The following MAGED1 variants were observed in gnomAD, a reference collection of about 807,000 sequenced individuals.
MAGED1 encodes MAGE family member D1, also known as melanoma-associated antigen D1.
In MAGED1, 3 loss-of-function variants were observed where a neutral mutation model predicts 54.1. That is an observed-to-expected ratio of 0.06 (90% CI 0.03 to 0.14). The LOEUF (loss-of-function observed/expected upper bound fraction) is 0.14, where lower values mean the gene tolerates loss of function less well. Among genes scored for constraint, MAGED1 ranks in the 10% least tolerant of loss-of-function variants. The pLI is 1.00. For missense variants in MAGED1, 485 were observed against 623.4 expected (o/e 0.78, Z 2.36); for synonymous variants, 217 against 227.3 (o/e 0.95, Z 0.41).
In MAGED1 at chrX:51,895,681, C is replaced by A; in HGVS notation, c.674C>A (p.Thr225Asn). Residue 225 changes from threonine (T) to asparagine (N), a missense_variant, in exon 3 of 13, where the codon ACT becomes AAT. This residue lies in a region of MAGED1 where 299 missense variants were observed against 293.1 expected (regional missense o/e 1.02). Transcript: ENST00000326587. ...DPGISEPDGA[T>N]AQTSADGSQA... ...GGTATCTCTGAACCTGACGGTGCAACTGCACAGACATCAGCAGATGGTTCC... is the reference window on the plus strand; with the variant it reads ...GGTATCTCTGAACCTGACGGTGCAAATGCACAGACATCAGCAGATGGTTCC... The A allele has an allele frequency of 8.3e-7, 1 of 1,205,576 alleles. No individual in the cohort carries two copies. The highest frequency in any genetic ancestry group is 2.3e-4 in the Middle Eastern group (1 of 4,346).
At chrX:51,891,324 G>A (rs1928430509), upstream of MAGED1, among the ~76,000 whole-genome samples, 1 of 112,913 alleles carries the variant, frequency 8.9e-6, no homozygotes. Flanking sequence ...CAACATATAT[G>A]TGTGTAAAGT....
Position 51,895,552 on chromosome X carries a change from A to G in MAGED1, c.545A>G (p.Lys182Arg). ...LANSRPKTPF[K>R]AWNDTTKAPT... ...AACAGCAGGCCTAAGACCCCTTTCA[A>G]GGCTTGGAATGATACCACTAAGGCC... The change falls in exon 3 of 13, where the codon AAG becomes AGG. Residue 182 changes from lysine (K) to arginine (R), a missense_variant. Around this residue, in one of 2 missense-constraint regions of MAGED1, gnomAD observed 299 missense variants for 293.1 expected, o/e 1.02. Coordinates refer to ENST00000326587, the MANE Select transcript of MAGED1 (RefSeq NM_006986.4). 1 of 1,211,582 alleles carries G rather than the reference A, an allele frequency of 8.3e-7. No homozygotes were observed. Among genetic ancestry groups the G allele is most frequent in the Non-Finnish European group, 1.1e-6 (1 of 895,422 alleles).
rs966014120 is a variant in MAGED1, at chrX:51,895,800, T to G, written c.753+40T>G. 1.9e-5 allele frequency: 19 copies of G among 1,018,790 alleles called. No homozygotes were observed. The African/African-American group carries it at 3.2e-4, about 17-fold the overall frequency. 84.0% of individuals were successfully genotyped at this position (1,018,790 alleles called of 1,213,427 possible). Reference sequence around the variant, plus strand: ...AACTTCATTTTGCTTTGGGGCTGTCTCCTTTCTTCTCTGAGGGTGTTCATT... The same window carrying G: ...AACTTCATTTTGCTTTGGGGCTGTCGCCTTTCTTCTCTGAGGGTGTTCATT... On this transcript the variant is annotated intron_variant, in intron 3 of 12. Coordinates refer to ENST00000326587, the MANE Select transcript of MAGED1 (RefSeq NM_006986.4).
chrX:51,895,691 A>C lies in MAGED1; in HGVS notation c.684A>C (p.Thr228=). The change falls in exon 3 of 13, where the codon ACA becomes ACC. Residue 228 remains threonine, a synonymous_variant. Transcript: ENST00000326587. ...AACCTGACGGTGCAACTGCACAGAC[A>C]TCAGCAGATGGTTCCCAGGCTCAGA... ...ISEPDGATAQ[T]SADGSQAQNL... 1 of 1,203,451 alleles carries C rather than the reference A, an allele frequency of 8.3e-7. No homozygotes were observed. Among genetic ancestry groups the C allele is most frequent in the Non-Finnish European group, 1.1e-6 (1 of 891,114 alleles).
chrX:51,852,342 T>C (rs1926926515), intron 1 of MAGED1, among the ~76,000 whole-genome samples: 2 of 111,931 alleles, frequency 1.8e-5, no homozygotes, highest in Non-Finnish European at 1.9e-5. Flanking sequence ...GCAAAGCCCA[T>C]TTGCCATGTA....
At chrX:51,879,352 A>G (rs1241590473) in intron 1 of MAGED1, among the ~76,000 whole-genome samples, 3 of 111,302 alleles carry the variant, frequency 2.7e-5, no homozygotes, top group Non-Finnish European at 3.8e-5. Context: ...TGATCAATTC[A>G]TTCTGTTTTT....
intron 1 of MAGED1, among the ~76,000 whole-genome samples, chrX:51,861,985 T>G (rs781964731): frequency 8.9e-6 from 1 of 112,180 alleles, no homozygotes; most frequent in Non-Finnish European, 1.9e-5. Flanking sequence ...TATGTCTATT[T>G]TTGTGTAACT....
At chrX:51,872,001 T>G (rs1557361624) in intron 1 of MAGED1, among the ~76,000 whole-genome samples, 1 of 112,312 alleles carries the variant, frequency 8.9e-6, no homozygotes, top group African/African-American at 3.2e-5. Flanking sequence ...ATTGTGGTTT[T>G]GATTTGCATT....
At chrX:51,822,532 C>A (rs1557356617) in intron 1 of MAGED1, among the ~76,000 whole-genome samples, 1 of 110,152 alleles carries the variant, frequency 9.1e-6, no homozygotes, top group Non-Finnish European at 1.9e-5. Flanking sequence ...CATTTATTTA[C>A]TCCTTGGTCT....
At chrX:51,877,210 C>T (rs1669598952) in intron 1 of MAGED1, among the ~76,000 whole-genome samples, 1 of 110,653 alleles carries the variant, frequency 9.0e-6, no homozygotes, top group Non-Finnish European at 1.9e-5. Flanking sequence ...ACAAGTGTGA[C>T]AGATACAAGG....
chrX:51,881,660 A>G (rs782091029), intron 1 of MAGED1, among the ~76,000 whole-genome samples: 1 of 109,626 alleles, frequency 9.1e-6, no homozygotes, highest in Non-Finnish European at 1.9e-5. Flanking sequence ...CAGGTGATCT[A>G]CCTGCCTCAG....
intron 1 of MAGED1, among the ~76,000 whole-genome samples, chrX:51,843,358 A>G (rs1224670382): frequency 1.8e-5 from 2 of 111,833 alleles, no homozygotes; most frequent in Non-Finnish European, 3.8e-5. Context: ...GATGGGCCCA[A>G]TGTGATACAA....
intron 1 of MAGED1, among the ~76,000 whole-genome samples, chrX:51,859,512 C>A (rs1602242012): frequency 8.9e-6 from 1 of 111,898 alleles, no homozygotes; most frequent in East Asian, 2.8e-4. Context: ...TGGTATTCTG[C>A]AGAATCATGC....
At chrX:51,844,437 C>G (rs1264872900) in intron 1 of MAGED1, among the ~76,000 whole-genome samples, 1 of 112,187 alleles carries the variant, frequency 8.9e-6, no homozygotes, top group Non-Finnish European at 1.9e-5. Flanking sequence ...GAAGGAAGAA[C>G]TGTTAAGCAA....
chrX:51,832,001 A>G (rs1342671367), intron 1 of MAGED1, among the ~76,000 whole-genome samples: 1 of 111,947 alleles, frequency 8.9e-6, no homozygotes, highest in African/African-American at 3.2e-5. Context: ...GAACATTCCA[A>G]TTCCACTCTG....
chrX:51,827,271 G>GAA (rs201673104), intron 1 of MAGED1, among the ~76,000 whole-genome samples: 63 of 102,886 alleles, frequency 6.1e-4, no homozygotes, highest in African/African-American at 2.1e-3. Context: ...AAAAAACAAA[G>GAA]AAAAAAAAAA....
chrX:51,902,113 GA>G (rs1348458699), intron 12 of MAGED1, 32 bp from the exon 13 acceptor site: 6 of 398,760 alleles, frequency 1.5e-5, no homozygotes, highest in African/African-American at 2.5e-5. Flanking sequence ...ATATATCATT[GA>G]TTTTTTTACT....
At chrX:51,812,668 T>C (rs187160534) in intron 1 of MAGED1, among the ~76,000 whole-genome samples, 2 of 112,173 alleles carry the variant, frequency 1.8e-5, no homozygotes, top group African/African-American at 6.5e-5. Flanking sequence ...AGATTGTAGA[T>C]GGACAGATGA....
intron 1 of MAGED1, among the ~76,000 whole-genome samples, chrX:51,830,607 ATTACT>A (rs1926028533): frequency 9.1e-6 from 1 of 110,131 alleles, no homozygotes; most frequent in African/African-American, 3.3e-5. Flanking sequence ...TGGAGGAGAA[ATTACT>A]TTCAAGGTGG....
Sources: allele counts gnomAD v4.1 joint callset (sites outside exome capture counted in the v4.1 genomes callset), GRCh38; gene constraint gnomAD v4.1.1; regional missense constraint gnomAD v4.1.1; transcripts MANE v1.5; gene names NCBI Gene and HGNC (gene_info 2026-07-23, HGNC 2026-07-21).